OPCML: variants seen among roughly 807,000 people sequenced by gnomAD.
OPCML encodes the protein opioid-binding protein/cell adhesion molecule.
OPCML carries 13 observed loss-of-function variants against 37.8 expected under a neutral mutation model. That is an observed-to-expected ratio of 0.34 (90% CI 0.22 to 0.55). OPCML has a LOEUF of 0.55. Among genes scored for constraint, OPCML ranks in the 20% least tolerant of loss-of-function variants. The pLI is 0.91. For synonymous variants in OPCML, 176 were observed against 168.8 expected (o/e 1.04, Z -0.33); for missense variants, 341 against 435.6 (o/e 0.78, Z 1.93).
At chr11:132,887,994 A>G (rs1297982268) in intron 2 of OPCML, among the ~76,000 whole-genome samples, 5 of 152,168 alleles carry the variant, frequency 3.3e-5, no homozygotes, top group Non-Finnish European at 2.9e-5. Flanking sequence ...CCAGCATGGA[A>G]TGTCCTTTTC....
intron 1 of OPCML, among the ~76,000 whole-genome samples, chr11:133,168,157 C>G (rs1565483139): frequency 2.0e-5 from 3 of 152,174 alleles, no homozygotes; most frequent in Admixed American, 6.5e-5. Flanking sequence ...ATTAAGTCTG[C>G]TAGGTCATGT....
intron 1 of OPCML, chr11:133,004,364 A>G (rs1217948720): frequency 1.0e-6 from 1 of 985,296 alleles, no homozygotes; most frequent in African/African-American, 1.7e-5. Flanking sequence ...TGTTTTATTA[A>G]TGGTTCTGCT....
At chr11:133,197,441 G>A (rs1368327245) in intron 1 of OPCML, among the ~76,000 whole-genome samples, 1 of 152,180 alleles carries the variant, frequency 6.6e-6, no homozygotes, top group Non-Finnish European at 1.5e-5. Flanking sequence ...CATGGTGCCT[G>A]CCTAATAAAC....
chr11:133,482,433 CAAT>C (rs1947396236), intron 1 of OPCML, among the ~76,000 whole-genome samples: 1 of 152,126 alleles, frequency 6.6e-6, no homozygotes, highest in African/African-American at 2.4e-5. Context: ...AAAATATCAA[CAAT>C]GTCTGTGAAA....
intron 3 of OPCML, among the ~76,000 whole-genome samples, chr11:132,600,276 C>A (rs1168190594): frequency 6.6e-6 from 1 of 152,216 alleles, no homozygotes; most frequent in Non-Finnish European, 1.5e-5. Flanking sequence ...GCCACTCACT[C>A]GGGTGGATAT....
intron 3 of OPCML, among the ~76,000 whole-genome samples, chr11:132,633,742 C>T (rs1479201021): frequency 1.3e-5 from 2 of 151,970 alleles, no homozygotes; most frequent in East Asian, 1.9e-4. Context: ...GTGGGGACAG[C>T]AGGAGGGAAA....
intron 3 of OPCML, among the ~76,000 whole-genome samples, chr11:132,588,315 C>T (rs2096477449): frequency 6.6e-6 from 1 of 152,166 alleles, no homozygotes; most frequent in Non-Finnish European, 1.5e-5. Context: ...TCAGACCCCA[C>T]AGAAATGAGG....
chr11:132,735,273 T>C (rs1945216886), intron 2 of OPCML, among the ~76,000 whole-genome samples: 1 of 152,112 alleles, frequency 6.6e-6, no homozygotes, highest in Admixed American at 6.5e-5. Flanking sequence ...TGAAATCTTT[T>C]GTTAAGATCT....
intron 2 of OPCML, among the ~76,000 whole-genome samples, chr11:132,756,505 G>C (rs1000339645): frequency 2.6e-5 from 4 of 152,168 alleles, no homozygotes; most frequent in African/African-American, 9.7e-5. Flanking sequence ...AGGTGCGACT[G>C]TGTTAACATT....
intron 1 of OPCML, chr11:133,024,487 G>C (rs1383226336): frequency 9.1e-6 from 9 of 985,174 alleles, no homozygotes; most frequent in South Asian, 9.4e-5. Flanking sequence ...CAGGTTTCAC[G>C]GGTAATGAGA....
At chr11:133,268,079 A>T (rs1304729938) in intron 1 of OPCML, among the ~76,000 whole-genome samples, 1 of 152,140 alleles carries the variant, frequency 6.6e-6, no homozygotes, top group Non-Finnish European at 1.5e-5. Context: ...AATGGCCCTG[A>T]CTATGTTTTT....
intron 2 of OPCML, among the ~76,000 whole-genome samples, chr11:132,823,018 T>G (rs899238230): frequency 6.6e-6 from 1 of 152,260 alleles, no homozygotes; most frequent in African/African-American, 2.4e-5. Context: ...AAACAATATA[T>G]GTAAGTGGTA....
At chr11:133,273,275 G>T (rs1565541909) in intron 1 of OPCML, among the ~76,000 whole-genome samples, 3 of 152,154 alleles carry the variant, frequency 2.0e-5, no homozygotes, top group African/African-American at 4.8e-5. Flanking sequence ...CTAGGAGCAA[G>T]GTGGGAAGTG....
chr11:133,125,139 A>G (rs1310997325), intron 1 of OPCML, among the ~76,000 whole-genome samples: 3 of 152,158 alleles, frequency 2.0e-5, no homozygotes, highest in African/African-American at 7.2e-5. Flanking sequence ...GTCGGGAGGT[A>G]GCTCCTTTCT....
intron 1 of OPCML, among the ~76,000 whole-genome samples, chr11:133,375,930 T>C (rs4414230): frequency 0.23 from 34,398 of 152,048 alleles, 5,614 homozygotes; most frequent in African/African-American, 0.46. Flanking sequence ...CCTCATTGTA[T>C]CTTAATTCAA....
chr11:133,330,755 C>T (rs1315781375), intron 1 of OPCML, among the ~76,000 whole-genome samples: 6 of 152,068 alleles, frequency 3.9e-5, no homozygotes. Context: ...TTAATGGGTG[C>T]AGCACACCAA....
intron 1 of OPCML, among the ~76,000 whole-genome samples, chr11:133,447,842 T>C (rs1946503127): frequency 6.6e-6 from 1 of 152,218 alleles, no homozygotes; most frequent in Non-Finnish European, 1.5e-5. Context: ...ACAATGCAAG[T>C]ATTTTTTGGT....
At chr11:133,509,986 G>A (rs768744319) in intron 1 of OPCML, among the ~76,000 whole-genome samples, 19 of 152,154 alleles carry the variant, frequency 1.2e-4, no homozygotes, top group Non-Finnish European at 2.5e-4. Flanking sequence ...TCTGACTACT[G>A]GAAAAGTAGT....
intron 1 of OPCML, among the ~76,000 whole-genome samples, chr11:133,411,992 C>G (rs1031574415): frequency 6.6e-6 from 1 of 152,170 alleles, no homozygotes; most frequent in Non-Finnish European, 1.5e-5. Context: ...TTTGCCACCC[C>G]CTCCAGATCT....
Sources: gnomAD v4.1 joint callset for allele counts (sites outside exome capture counted in the v4.1 genomes callset) on GRCh38, gnomAD v4.1.1 for gene constraint, MANE v1.5 for transcripts, NCBI Gene and HGNC (gene_info 2026-07-23, HGNC 2026-07-21) for gene names.